The following RNLS variants were observed in gnomAD, a reference collection of about 807,000 sequenced individuals.
RNLS encodes the protein renalase.
In RNLS, 39 loss-of-function variants were observed where a neutral mutation model predicts 39.8. The ratio of observed to expected loss-of-function variants is 0.98; its 90% confidence interval spans 0.76 to 1.28. The LOEUF (loss-of-function observed/expected upper bound fraction) is 1.28, where lower values mean the gene tolerates loss of function less well. RNLS is among the 50% of genes most tolerant of loss of function. RNLS has a pLI of 0.00. For missense variants in RNLS, 410 were observed against 413.3 expected (o/e 0.99, Z 0.07); for synonymous variants, 147 against 150.7 (o/e 0.98, Z 0.18).
intron 5 of RNLS, among the ~76,000 whole-genome samples, chr10:88,340,920 A>T (rs953648524): frequency 4.6e-5 from 7 of 151,118 alleles, no homozygotes; most frequent in Non-Finnish European, 8.9e-5. Flanking sequence ...TTAGCTGGGC[A>T]TGGTGGCACG....
At chr10:88,226,245 G>A in the RNLS span, among the ~76,000 whole-genome samples, 19,897 of 151,916 alleles carry the variant, frequency 0.13, 1,491 homozygotes, top group African/African-American at 0.2. Flanking sequence ...ATCTATGCAC[G>A]GTTTGTGCAA....
chr10:88,358,579 T>C (rs1039019153), intron 5 of RNLS, among the ~76,000 whole-genome samples: 1 of 152,230 alleles, frequency 6.6e-6, no homozygotes, highest in Non-Finnish European at 1.5e-5. Flanking sequence ...GACAGAGCCC[T>C]TTTTCAAAGA....
intron 4 of RNLS, among the ~76,000 whole-genome samples, chr10:88,449,300 C>A (rs1354956870): frequency 6.6e-6 from 1 of 152,210 alleles, no homozygotes; most frequent in East Asian, 1.9e-4. Context: ...CTTCTAGGCA[C>A]AATTAAATGC....
At chr10:88,413,928 T>C (rs1453217788) in intron 4 of RNLS, among the ~76,000 whole-genome samples, 1 of 152,152 alleles carries the variant, frequency 6.6e-6, no homozygotes, top group Non-Finnish European at 1.5e-5. Flanking sequence ...TAATTTTATC[T>C]TTTGTACCAA....
intron 4 of RNLS, among the ~76,000 whole-genome samples, chr10:88,415,820 C>G (rs1853985572): frequency 6.6e-6 from 1 of 152,166 alleles, no homozygotes. Flanking sequence ...CACTCTAGTG[C>G]CATGCACAGA....
chr10:88,511,590 T>C (rs1030636128), intron 4 of RNLS, among the ~76,000 whole-genome samples: 4 of 151,978 alleles, frequency 2.6e-5, no homozygotes, highest in Non-Finnish European at 4.4e-5. Flanking sequence ...GAAAATTGGA[T>C]TGAGTCCTGG....
chr10:88,327,723 T>A (rs1413252545), intron 5 of RNLS, among the ~76,000 whole-genome samples: 2 of 152,176 alleles, frequency 1.3e-5, no homozygotes, highest in African/African-American at 4.8e-5. Context: ...ATTTTCTAGG[T>A]ATTGAATTGA....
At chr10:88,352,214 T>C (rs1256565493) in intron 5 of RNLS, among the ~76,000 whole-genome samples, 1 of 152,164 alleles carries the variant, frequency 6.6e-6, no homozygotes, top group African/African-American at 2.4e-5. Context: ...CTGATTGCCC[T>C]GGCCAGAACT....
intron 4 of RNLS, among the ~76,000 whole-genome samples, chr10:88,432,665 T>A (rs1453275666): frequency 2.6e-5 from 4 of 152,014 alleles, no homozygotes; most frequent in Non-Finnish European, 4.4e-5. Flanking sequence ...ATGTAAAGCA[T>A]TTTTTAAAGT....
At chr10:88,355,920 C>T (rs1194503298) in intron 5 of RNLS, among the ~76,000 whole-genome samples, 2 of 152,224 alleles carry the variant, frequency 1.3e-5, no homozygotes, top group Non-Finnish European at 2.9e-5. Flanking sequence ...GGTGGGCACC[C>T]CTCCCCCAGC....
At chr10:88,411,668 A>T (rs1853664484) in intron 4 of RNLS, among the ~76,000 whole-genome samples, 1 of 152,140 alleles carries the variant, frequency 6.6e-6, no homozygotes, top group Non-Finnish European at 1.5e-5. Context: ...ACAGTCCCTC[A>T]TGGAGAACAT....
intron 4 of RNLS, among the ~76,000 whole-genome samples, chr10:88,489,109 G>GT (rs1285470138): frequency 6.6e-6 from 1 of 152,016 alleles, no homozygotes; most frequent in African/African-American, 2.4e-5. Flanking sequence ...CAAATGATTT[G>GT]TTTTTTCTAT....
chr10:88,582,929 G>C (rs1000394642), intron 1 of RNLS, 144 bp downstream of exon 1: 1 of 963,544 alleles, frequency 1.0e-6, no homozygotes, highest in South Asian at 2.1e-5. Flanking sequence ...GCGCCACTCG[G>C]CGCATGGGCC....
intron 4 of RNLS, among the ~76,000 whole-genome samples, chr10:88,557,117 T>A (rs74147225): frequency 0.013 from 2,013 of 152,290 alleles, 49 homozygotes; most frequent in African/African-American, 0.045. Flanking sequence ...TAAAACTGAA[T>A]TTTAATTTCT....
chr10:88,276,611 C>T (rs1842823219), intron 6 of RNLS, among the ~76,000 whole-genome samples: 1 of 151,878 alleles, frequency 6.6e-6, no homozygotes, highest in South Asian at 2.1e-4. Context: ...TTATTATTTC[C>T]ACTGATTTGT....
At chr10:88,412,761 T>C (rs911568335) in intron 4 of RNLS, among the ~76,000 whole-genome samples, 1 of 152,138 alleles carries the variant, frequency 6.6e-6, no homozygotes, top group African/African-American at 2.4e-5. Context: ...TCCTAAATAT[T>C]CTGTAGCTTC....
intron 4 of RNLS, among the ~76,000 whole-genome samples, chr10:88,557,473 T>C (rs1429754982): frequency 6.6e-6 from 1 of 152,138 alleles, no homozygotes; most frequent in Non-Finnish European, 1.5e-5. Context: ...CGGTCAGAAA[T>C]GTCCAGTCAG....
chr10:88,173,356 T>C, the RNLS span, among the ~76,000 whole-genome samples: 1 of 152,246 alleles, frequency 6.6e-6, no homozygotes, highest in South Asian at 2.1e-4. Flanking sequence ...TCTGTTTCTG[T>C]ACCATTACCA....
chr10:88,172,515 A>G, the RNLS span, among the ~76,000 whole-genome samples: 1 of 152,004 alleles, frequency 6.6e-6, no homozygotes, highest in African/African-American at 2.4e-5. Context: ...CTCCATTTTT[A>G]GACTGGATTA....
Sources: gnomAD v4.1 joint callset for allele counts (sites outside exome capture counted in the v4.1 genomes callset) on GRCh38, gnomAD v4.1.1 for gene constraint, MANE v1.5 for transcripts, NCBI Gene and HGNC (gene_info 2026-07-23, HGNC 2026-07-21) for gene names.